The following TBC1D22A variants were observed in gnomAD, a reference collection of about 807,000 sequenced individuals.
TBC1D22A encodes TBC1 domain family member 22A, also known as putative GTPase activator.
TBC1D22A carries 38 observed loss-of-function variants against 60.2 expected under a neutral mutation model. The ratio of observed to expected loss-of-function variants is 0.63; its 90% CI spans 0.49 to 0.83. The LOEUF is 0.83. Among genes scored for constraint, TBC1D22A ranks in the 40% least tolerant of loss-of-function variants. The pLI is 0.00. For missense variants in TBC1D22A, 628 were observed against 701.0 expected, an observed-to-expected ratio of 0.90 and a Z score of 1.18; for synonymous variants, 302 against 281.7, an observed-to-expected ratio of 1.07 and a Z score of -0.72.
chr22:46,874,960 G>C (rs1018095744), intron 4 of TBC1D22A, among the ~76,000 whole-genome samples: 1 of 152,146 alleles, frequency 6.6e-6, no homozygotes, highest in Non-Finnish European at 1.5e-5. Context: ...ATAGATGCTG[G>C]ATGTCAGACC....
chr22:46,786,676 T>C lies in TBC1D22A; in HGVS notation c.63-5844T>C, dbSNP rs180853637. On this transcript the variant is annotated intron_variant, in intron 1 of 12. Coordinates refer to ENST00000337137, the MANE Select transcript of TBC1D22A (RefSeq NM_014346.5). ...GTGCGTAGTGTTTTGATTACTAATTTAGTCTCTTTATTTTTATTTTTTATT... is the reference window on the plus strand; with the variant it reads ...GTGCGTAGTGTTTTGATTACTAATTCAGTCTCTTTATTTTTATTTTTTATT... 1.3e-3 allele frequency among the ~76,000 whole-genome samples: 202 copies of C among 152,318 alleles called. 1 individual carries two copies. The highest frequency in any genetic ancestry group is 0.012 in the Admixed American group (178 of 15,286).
chr22:46,848,211 A>G (rs1401700641), intron 4 of TBC1D22A, among the ~76,000 whole-genome samples: 1 of 152,252 alleles, frequency 6.6e-6, no homozygotes, highest in Non-Finnish European at 1.5e-5. Context: ...CTCCAAAAAA[A>G]TGGTATCGCG....
At chr22:47,141,577 C>T (rs1269550224) in intron 12 of TBC1D22A, among the ~76,000 whole-genome samples, 2 of 152,234 alleles carry the variant, frequency 1.3e-5, no homozygotes, top group African/African-American at 4.8e-5. Context: ...GGGCTTCCAG[C>T]TTCGTCGGCT....
intron 4 of TBC1D22A, among the ~76,000 whole-genome samples, chr22:46,840,440 C>T (rs1376908182): frequency 2.0e-5 from 3 of 151,964 alleles, no homozygotes; most frequent in Non-Finnish European, 4.4e-5. Flanking sequence ...TGGCTCTTAC[C>T]AAAAAAACAA....
chr22:47,132,291 C>G (rs767237993), intron 12 of TBC1D22A, among the ~76,000 whole-genome samples: 1 of 152,182 alleles, frequency 6.6e-6, no homozygotes, highest in South Asian at 2.1e-4. Context: ...CGTGCCACCC[C>G]GTTCTTCTGG....
chr22:47,141,909 T>C (rs2067099501), intron 12 of TBC1D22A, among the ~76,000 whole-genome samples: 1 of 152,248 alleles, frequency 6.6e-6, no homozygotes, highest in Non-Finnish European at 1.5e-5. Flanking sequence ...ATTTCTGTTC[T>C]ACCAAATGGT....
chr22:46,939,526 A>C (rs1190715098), intron 8 of TBC1D22A, among the ~76,000 whole-genome samples: 1 of 152,228 alleles, frequency 6.6e-6, no homozygotes, highest in Non-Finnish European at 1.5e-5. Context: ...TACACTTAGT[A>C]AATGGATAAT....
At chr22:46,870,230 A>G (rs1434524008) in intron 4 of TBC1D22A, among the ~76,000 whole-genome samples, 2 of 152,262 alleles carry the variant, frequency 1.3e-5, no homozygotes, top group African/African-American at 2.4e-5. Flanking sequence ...CCTTGAACCC[A>G]GGTGCACTGA....
chr22:47,091,927 C>T (rs939467446), intron 11 of TBC1D22A, among the ~76,000 whole-genome samples: 2 of 152,218 alleles, frequency 1.3e-5, no homozygotes, highest in Non-Finnish European at 2.9e-5. Flanking sequence ...TGGTGATATG[C>T]ACTCAGTGTC....
chr22:47,138,632 G>T (rs989329417), intron 12 of TBC1D22A, among the ~76,000 whole-genome samples: 1 of 152,242 alleles, frequency 6.6e-6, no homozygotes. Context: ...TGCCAAATCT[G>T]CGTGCTTTGC....
At chr22:47,165,888 A>G (rs2068190686) in intron 12 of TBC1D22A, among the ~76,000 whole-genome samples, 2 of 152,174 alleles carry the variant, frequency 1.3e-5, no homozygotes, top group Admixed American at 6.5e-5. Flanking sequence ...GCGGAGTGTC[A>G]GGAGGCTGTG....
At chr22:46,786,005 CTCCTGGGCTCAAG>C (rs1432796100) in intron 1 of TBC1D22A, among the ~76,000 whole-genome samples, 2 of 152,180 alleles carry the variant, frequency 1.3e-5, no homozygotes, top group Non-Finnish European at 2.9e-5. Context: ...TGGTCTTTAA[CTCCTGGGCTCAAG>C]TTATTCTCCC....
chr22:46,909,026 G>T (rs1445067774), intron 7 of TBC1D22A, among the ~76,000 whole-genome samples: 2 of 152,178 alleles, frequency 1.3e-5, no homozygotes, highest in Non-Finnish European at 2.9e-5. Flanking sequence ...GGTCCACAGA[G>T]CCCGGGAGCT....
At chr22:46,858,812 C>G (rs569443470) in intron 4 of TBC1D22A, among the ~76,000 whole-genome samples, 1 of 152,308 alleles carries the variant, frequency 6.6e-6, no homozygotes, top group Admixed American at 6.5e-5. Flanking sequence ...TTGTTTTTCC[C>G]TCTATGAATT....
At chr22:46,966,106 C>A (rs554221663) in intron 8 of TBC1D22A, among the ~76,000 whole-genome samples, 7 of 152,214 alleles carry the variant, frequency 4.6e-5, no homozygotes, top group Non-Finnish European at 2.9e-5. Context: ...GCATCACGCT[C>A]CCCACAAGCT....
At chr22:47,134,719 G>A (rs1369703210) in intron 12 of TBC1D22A, among the ~76,000 whole-genome samples, 1 of 150,798 alleles carries the variant, frequency 6.6e-6, no homozygotes, top group Non-Finnish European at 1.5e-5. Context: ...CCAAACCCCT[G>A]GACTTTGTTT....
intron 12 of TBC1D22A, among the ~76,000 whole-genome samples, chr22:47,137,064 G>A (rs2066902686): frequency 6.6e-6 from 1 of 152,158 alleles, no homozygotes; most frequent in Non-Finnish European, 1.5e-5. Flanking sequence ...ATAAAAAGAA[G>A]AAAGTGGAAG....
chr22:47,080,271 T>G (rs189898267), intron 11 of TBC1D22A, among the ~76,000 whole-genome samples: 90 of 152,334 alleles, frequency 5.9e-4, no homozygotes, highest in Non-Finnish European at 1.1e-3. Context: ...GTAGCTTGCT[T>G]GATCTCATTG....
intron 4 of TBC1D22A, among the ~76,000 whole-genome samples, chr22:46,873,327 A>G (rs954751019): frequency 2.0e-5 from 3 of 152,190 alleles, no homozygotes; most frequent in Non-Finnish European, 4.4e-5. Flanking sequence ...TAAAATTGCT[A>G]TGTAAAATCA....
Sources: allele counts gnomAD v4.1 joint callset (sites outside exome capture counted in the v4.1 genomes callset), GRCh38; gene constraint gnomAD v4.1.1; transcripts MANE v1.5; gene names NCBI Gene and HGNC (gene_info 2026-07-23, HGNC 2026-07-21).